The following KIF21A variants were observed in gnomAD, a reference collection of about 807,000 sequenced individuals.
The protein encoded by KIF21A is kinesin-like protein KIF21A.
KIF21A carries 114 observed loss-of-function variants against 202.9 expected under a neutral mutation model. The ratio of observed to expected loss-of-function variants is 0.56; its 90% CI spans 0.48 to 0.66. The LOEUF (loss-of-function observed/expected upper bound fraction) is 0.66. Among genes scored for constraint, KIF21A ranks in the 30% least tolerant of loss-of-function variants. The pLI, the probability that KIF21A is intolerant of heterozygous loss-of-function variation, is 0.00. For missense variants in KIF21A, 1,677 were observed against 1,994.9 expected (o/e 0.84, Z 3.04); for synonymous variants, 667 against 670.8 (o/e 0.99, Z 0.09).
chr12:39,404,060 G>A (rs1309140958), intron 1 of KIF21A, among the ~76,000 whole-genome samples: 1 of 152,142 alleles, frequency 6.6e-6, no homozygotes, highest in Non-Finnish European at 1.5e-5. Context: ...CAAGCACCCA[G>A]GAGATTCTTT....
chr12:39,323,059 C>A (rs962730480), intron 26 of KIF21A, among the ~76,000 whole-genome samples, 177 bp from the exon 27 acceptor site: 3 of 152,092 alleles, frequency 2.0e-5, no homozygotes, highest in African/African-American at 7.2e-5. Flanking sequence ...CTAGATAAAC[C>A]TTTAGAGGCC....
chr12:39,302,731 T>C (rs1943082398), intron 36 of KIF21A, among the ~76,000 whole-genome samples: 1 of 152,196 alleles, frequency 6.6e-6, no homozygotes, highest in African/African-American at 2.4e-5. Flanking sequence ...CCTAGATCTT[T>C]CAACTCTTAT....
rs568368978 is a variant in KIF21A, at chr12:39,302,846, G to T, written c.4731+119C>A. On this transcript the variant is annotated intron_variant, in intron 36 of 37. Transcript: ENST00000361418. ...GGATGAAACATTCTTTAAGAAAAAG[G>T]CCTGATTAATATTATCTGTAAATGA... 9 of 889,406 alleles carry T rather than the reference G, an allele frequency of 1.0e-5. No homozygotes were observed. In the East Asian group the frequency reaches 1.5e-4, roughly 15 times the overall value. 55.1% of individuals were successfully genotyped at this position (889,406 alleles called of 1,614,324 possible). A position where few individuals can be genotyped will look rare whatever the true frequency, so the allele number is the denominator to read the frequency against.
At chr12:39,380,286 G>A (rs1950535134) in intron 1 of KIF21A, among the ~76,000 whole-genome samples, 1 of 152,072 alleles carries the variant, frequency 6.6e-6, no homozygotes, top group African/African-American at 2.4e-5. Context: ...CTTTTTTAAA[G>A]CACTACCACT....
intron 13 of KIF21A, 97 bp from the exon 14 acceptor site, chr12:39,341,719 T>A (rs1447721471): frequency 7.5e-7 from 1 of 1,330,476 alleles, no homozygotes; most frequent in Non-Finnish European, 1.0e-6. Context: ...TACGGAAACA[T>A]AAAAAAATTC....
At chr12:39,295,894 G>A (rs1269232704) in intron 37 of KIF21A, among the ~76,000 whole-genome samples, 3 of 151,028 alleles carry the variant, frequency 2.0e-5, no homozygotes, top group African/African-American at 7.3e-5. Flanking sequence ...TAGTAGAGAT[G>A]GGGTTTCACC....
intron 26 of KIF21A, among the ~76,000 whole-genome samples, chr12:39,324,573 T>C (rs967804328): frequency 1.2e-4 from 19 of 152,374 alleles, no homozygotes; most frequent in African/African-American, 4.6e-4. Flanking sequence ...TGTTTTTTGA[T>C]TGGCTTAACC....
At chr12:39,346,192 A>G (rs1481104654) in intron 12 of KIF21A, among the ~76,000 whole-genome samples, 3 of 152,060 alleles carry the variant, frequency 2.0e-5, no homozygotes, top group Non-Finnish European at 4.4e-5. Context: ...TACAAAAGGT[A>G]AGTCATCATC....
intron 1 of KIF21A, among the ~76,000 whole-genome samples, chr12:39,434,459 T>C (rs1392193291): frequency 2.0e-5 from 3 of 152,224 alleles, no homozygotes; most frequent in Non-Finnish European, 4.4e-5. Context: ...CTTTATCTAA[T>C]AATATTACTA....
At chr12:39,441,150 TC>T (rs1438116879) in intron 1 of KIF21A, among the ~76,000 whole-genome samples, 1 of 152,128 alleles carries the variant, frequency 6.6e-6, no homozygotes, top group East Asian at 1.9e-4. Context: ...ATAAAGCCTT[TC>T]CCCAAAAATC....
At chr12:39,366,945 T>G (rs2292491) in intron 5 of KIF21A, 85 bp downstream of exon 5, 138,566 of 1,299,686 alleles carry the variant, frequency 0.11, 7,660 homozygotes, top group East Asian at 0.14. Context: ...TGAACTGAAT[T>G]TGGCTCAAAT....
chr12:39,337,181 T>C lies in KIF21A; in HGVS notation c.2333A>G (p.Lys778Arg), dbSNP rs747887370. The C allele has an allele frequency of 6.2e-7, 1 of 1,611,610 alleles. No homozygotes were observed. The highest frequency in any genetic ancestry group is 8.5e-7 in the Non-Finnish European group (1 of 1,178,656). ...KTKVRLMKQM[K>R]EEQEKARLTE... ...CAGTCTGGCTTTCTCTTGTTCTTCT[T>C]TCATTTGTTTCATTAGGCGAACCTA... is the stretch of plus-strand genomic sequence containing the variant. Residue 778 changes from lysine to arginine, a missense_variant, in exon 17 of 38, where the codon AAA becomes AGA. Transcript: ENST00000361418.
At position 39,311,568 on chromosome 12, in the gene KIF21A, A is replaced by G; in HGVS notation, c.3960-15T>C. On this transcript the variant is annotated splice_polypyrimidine_tract_variant and intron_variant, in intron 31 of 37. Coordinates refer to ENST00000361418, the MANE Select transcript of KIF21A (RefSeq NM_001173464.2). The stretch of plus-strand genomic sequence containing the variant: ...TGATTATGCCCCTAAGGTGGGGAAA[A>G]AACAAACAAACCAAGACTCACTTCA... The G allele has an allele frequency of 6.2e-7, 1 of 1,612,148 alleles. No individual in the cohort carries two copies. Among genetic ancestry groups the G allele is most frequent in the Non-Finnish European group, 8.5e-7 (1 of 1,178,718 alleles).
At chr12:39,405,339 C>A (rs185326854) in intron 1 of KIF21A, among the ~76,000 whole-genome samples, 1 of 151,718 alleles carries the variant, frequency 6.6e-6, no homozygotes, top group Admixed American at 6.6e-5. Context: ...ACGACAAGAG[C>A]AAAACTCCAT....
chr12:39,349,152 A>AT (rs1948153345), intron 11 of KIF21A, among the ~76,000 whole-genome samples: 1 of 151,918 alleles, frequency 6.6e-6, no homozygotes, highest in Non-Finnish European at 1.5e-5. Flanking sequence ...AGAAATTCCC[A>AT]TTTTTCCCCC....
At chr12:39,402,079 T>C (rs1952209059) in intron 1 of KIF21A, among the ~76,000 whole-genome samples, 1 of 152,198 alleles carries the variant, frequency 6.6e-6, no homozygotes, top group Non-Finnish European at 1.5e-5. Flanking sequence ...CAAAACTGTA[T>C]ATTTGGACAT....
chr12:39,298,324 T>C (rs1235530596), intron 37 of KIF21A, among the ~76,000 whole-genome samples: 2 of 152,160 alleles, frequency 1.3e-5, no homozygotes, highest in Non-Finnish European at 2.9e-5. Flanking sequence ...CAAATCTACA[T>C]AGGGTCCCCT....
chr12:39,338,794 C>T (rs1417736373), intron 16 of KIF21A, among the ~76,000 whole-genome samples: 1 of 152,054 alleles, frequency 6.6e-6, no homozygotes, highest in African/African-American at 2.4e-5. Flanking sequence ...ATGTGCATGC[C>T]TTAATCAAAA....
rs923613967 is a variant in KIF21A, at chr12:39,318,276, C to G, written c.3780-75G>C. The G allele has an allele frequency of 8.3e-6, 12 of 1,447,104 alleles. No homozygotes were observed. The East Asian group carries it at 2.8e-4, about 34-fold the overall frequency. The allele number at this position is 1,447,104 out of a possible 1,614,324, so 89.6% of individuals were successfully genotyped here. A position where few individuals can be genotyped will look rare whatever the true frequency, so the allele number is the denominator to read the frequency against. ...TGTTAGAAAAGTTATAAGAAACATGCTCTTTTAAAAAAAAGCTTTTTATTA... is the reference window on the plus strand; with the variant it reads ...TGTTAGAAAAGTTATAAGAAACATGGTCTTTTAAAAAAAAGCTTTTTATTA... On this transcript the variant is annotated intron_variant, in intron 28 of 37. Coordinates refer to ENST00000361418, the MANE Select transcript of KIF21A (RefSeq NM_001173464.2).
Sources: allele counts gnomAD v4.1 joint callset (sites outside exome capture counted in the v4.1 genomes callset), GRCh38; gene constraint gnomAD v4.1.1; transcripts MANE v1.5; gene names NCBI Gene and HGNC (gene_info 2026-07-23, HGNC 2026-07-21).